Variants in UBE2V2 observed in about 807,000 individuals in gnomAD.
UBE2V2 encodes ubiquitin-conjugating enzyme E2 variant 2.
A neutral mutation model predicts 17.2 loss-of-function variants in UBE2V2; 9 were observed. That is an observed-to-expected ratio of 0.52 (90% CI 0.32 to 0.91). The LOEUF (loss-of-function observed/expected upper bound fraction) is 0.91, where lower values mean the gene tolerates loss of function less well. UBE2V2 is among the 40% of genes least tolerant of loss of function. The probability of loss-of-function intolerance (pLI) is 0.04; values close to 1 mark genes in which losing one functional copy is unlikely to be tolerated. For synonymous variants in UBE2V2, 61 were observed against 57.5 expected (o/e 1.06, Z -0.28); for missense variants, 133 against 182.6 (o/e 0.73, Z 1.56).
At chr8:48,035,628 T>TG (rs1223467837) in intron 1 of UBE2V2, among the ~76,000 whole-genome samples, 130 of 138,728 alleles carry the variant, frequency 9.4e-4, no homozygotes, top group South Asian at 8.0e-3. Context: ...TGTTTTTTTT[T>TG]TTTTGTGTGT....
At chr8:48,031,068 G>C (rs2091379365) in intron 1 of UBE2V2, among the ~76,000 whole-genome samples, 1 of 151,988 alleles carries the variant, frequency 6.6e-6, no homozygotes, top group African/African-American at 2.4e-5. Flanking sequence ...AATTAGCCAG[G>C]TGTGGTGGCA....
intron 3 of UBE2V2, among the ~76,000 whole-genome samples, chr8:48,052,426 C>T (rs1585444257): frequency 6.6e-6 from 1 of 152,304 alleles, no homozygotes; most frequent in African/African-American, 2.4e-5. Context: ...CTCTAATAAG[C>T]TTATCTGATC....
intron 1 of UBE2V2, among the ~76,000 whole-genome samples, chr8:48,033,464 G>T (rs2091398327): frequency 6.6e-6 from 1 of 151,988 alleles, no homozygotes; most frequent in Admixed American, 6.6e-5. Context: ...GGGACTACAG[G>T]CATGAGCCAC....
At chr8:48,038,159 T>C (rs2091437324) in intron 1 of UBE2V2, among the ~76,000 whole-genome samples, 1 of 152,226 alleles carries the variant, frequency 6.6e-6, no homozygotes, top group Non-Finnish European at 1.5e-5. Flanking sequence ...AATACACATA[T>C]ACCCACCCTG....
chr8:48,036,554 C>T (rs867388290), intron 1 of UBE2V2, among the ~76,000 whole-genome samples: 21 of 151,888 alleles, frequency 1.4e-4, no homozygotes, highest in Admixed American at 1.0e-3. Flanking sequence ...CTTCCTCAGC[C>T]TCCTGAGTAG....
intron 1 of UBE2V2, among the ~76,000 whole-genome samples, chr8:48,017,494 C>T (rs2091277547): frequency 6.6e-6 from 1 of 151,844 alleles, no homozygotes; most frequent in South Asian, 2.1e-4. Flanking sequence ...CTGCTTCAGC[C>T]TCCTAAGTAG....
At chr8:48,043,855 CTT>C (rs1763399927) in intron 2 of UBE2V2, among the ~76,000 whole-genome samples, 3 of 151,182 alleles carry the variant, frequency 2.0e-5, no homozygotes, top group Admixed American at 2.0e-4. Flanking sequence ...GCCCATTGTA[CTT>C]TGTCTTTCTT....
At chr8:48,049,812 G>A in intron 2 of UBE2V2, 41 bp from the exon 3 acceptor site, 2 of 1,530,962 alleles carry the variant, frequency 1.3e-6, no homozygotes, top group South Asian at 2.4e-5. Context: ...AATATTTTAG[G>A]TATTGTTATT....
chr8:48,012,608 C>T (rs1032548802), intron 1 of UBE2V2, among the ~76,000 whole-genome samples: 5 of 151,722 alleles, frequency 3.3e-5, no homozygotes, highest in Non-Finnish European at 7.4e-5. Flanking sequence ...ATTCCAGCTA[C>T]TCGGAAGGCT....
At position 48,013,004 on chromosome 8, in the gene UBE2V2, C is replaced by G. The variant is rs1589848735; in HGVS notation, c.16+4534C>G. ...GGGATTACAGGTGTGTGCTGTCACA[C>G]CCGGATAATTTTTTGTATTTTTAGT... is the stretch of plus-strand genomic sequence containing the variant. On this transcript the variant is annotated intron_variant, in intron 1 of 3. Coordinates refer to ENST00000523111, the MANE Select transcript of UBE2V2 (RefSeq NM_003350.3). Among the ~76,000 whole-genome samples the G allele has an allele frequency of 2.0e-5, 3 of 151,696 alleles. No individual in the cohort carries two copies. The Middle Eastern group carries it at 0.01, about 520-fold the overall frequency.
intron 3 of UBE2V2, among the ~76,000 whole-genome samples, chr8:48,056,171 A>T (rs890900774): frequency 3.3e-5 from 5 of 152,136 alleles, no homozygotes; most frequent in African/African-American, 1.2e-4. Flanking sequence ...CCATGTTTGT[A>T]TTGTGTATTG....
At chr8:48,040,892 T>C in intron 1 of UBE2V2, among the ~76,000 whole-genome samples, 1 of 125,184 alleles carries the variant, frequency 8.0e-6, no homozygotes, top group African/African-American at 3.0e-5. Context: ...TGAGACAGAG[T>C]CTCACTCTGT....
intron 1 of UBE2V2, among the ~76,000 whole-genome samples, chr8:48,036,511 G>A (rs1295632021): frequency 6.6e-6 from 1 of 151,928 alleles, no homozygotes; most frequent in Non-Finnish European, 1.5e-5. Context: ...TTGGCTCACT[G>A]CAACCTCTGC....
the UBE2V2 span, among the ~76,000 whole-genome samples, chr8:47,998,320 C>T: frequency 6.6e-6 from 1 of 151,784 alleles, no homozygotes; most frequent in Non-Finnish European, 1.5e-5. Flanking sequence ...TAGGGGCGCA[C>T]GTAGAAGAAG....
intron 1 of UBE2V2, chr8:48,034,932 C>A (rs118161501): frequency 4.1e-4 from 327 of 796,804 alleles, no homozygotes; most frequent in Non-Finnish European, 3.9e-4. Flanking sequence ...CTTGCTCCCC[C>A]TCCCTGCAGC....
chr8:48,043,907 C>CT (rs1563857333), intron 2 of UBE2V2, among the ~76,000 whole-genome samples: 1 of 147,420 alleles, frequency 6.8e-6, no homozygotes, highest in Non-Finnish European at 1.5e-5. Flanking sequence ...GTCTTTTAGT[C>CT]TTTTTTTCTA....
At chr8:48,019,823 A>T (rs532524954) in intron 1 of UBE2V2, among the ~76,000 whole-genome samples, 5 of 152,110 alleles carry the variant, frequency 3.3e-5, no homozygotes, top group African/African-American at 1.2e-4. Flanking sequence ...TCAAAAAAAA[A>T]AATTAGCCAG....
upstream of UBE2V2, among the ~76,000 whole-genome samples, chr8:48,006,207 G>C (rs193151261): frequency 6.2e-4 from 94 of 152,256 alleles, no homozygotes; most frequent in African/African-American, 2.1e-3. Flanking sequence ...GTAAGGAAGG[G>C]ATCCAGTTCC....
chr8:48,048,752 G>A (rs2091516844), intron 2 of UBE2V2, among the ~76,000 whole-genome samples: 1 of 152,074 alleles, frequency 6.6e-6, no homozygotes, highest in Non-Finnish European at 1.5e-5. Context: ...TCTTGTTTAT[G>A]GGGATGGGAT....
Sources: allele counts gnomAD v4.1 joint callset (sites outside exome capture counted in the v4.1 genomes callset), GRCh38; gene constraint gnomAD v4.1.1; transcripts MANE v1.5; gene names NCBI Gene and HGNC (gene_info 2026-07-23, HGNC 2026-07-21).